The following GIPC2 variants were observed in gnomAD, a reference collection of about 807,000 sequenced individuals.
GIPC2 encodes the protein GIPC PDZ domain containing family member 2, also known as PDZ domain-containing protein GIPC2.
A neutral mutation model predicts 30.6 loss-of-function variants in GIPC2; 30 were observed. The observed-to-expected ratio is 0.98, with a 90% CI of 0.73 to 1.33. The LOEUF (loss-of-function observed/expected upper bound fraction) is 1.33. GIPC2 is among the 40% of genes most tolerant of loss of function. The probability of loss-of-function intolerance (pLI) is 0.00; values close to 1 mark genes in which losing one functional copy is unlikely to be tolerated. For synonymous variants in GIPC2, 167 were observed against 150.0 expected (o/e 1.11, Z -0.83); for missense variants, 414 against 390.3 (o/e 1.06, Z -0.51).
intron 1 of GIPC2, among the ~76,000 whole-genome samples, chr1:78,071,035 T>C (rs1240106879): frequency 1.3e-5 from 2 of 152,174 alleles, no homozygotes; most frequent in African/African-American, 2.4e-5. Flanking sequence ...TAAATATCTG[T>C]CTTGTCGCCA....
At position 78,135,789 on chromosome 1, in the gene GIPC2, TC is replaced by T; in HGVS notation, c.*47del. 3 of 1,544,126 alleles carry T rather than the reference TC, an allele frequency of 1.9e-6. 1 individual carries two copies. The South Asian group carries it at 3.7e-5, about 19-fold the overall frequency. On this transcript the variant is annotated 3_prime_UTR_variant, in exon 6 of 6. Coordinates refer to ENST00000370759, the MANE Select transcript of GIPC2 (RefSeq NM_017655.6). ...AGAAACAACCCATCGTTCTTTTTTT[TC>T]TCTTTTTTAAAAAGTCCTATAAGAT...
At chr1:78,115,420 C>T (rs1889674) in intron 3 of GIPC2, among the ~76,000 whole-genome samples, 15 of 152,024 alleles carry the variant, frequency 9.9e-5, no homozygotes, top group South Asian at 2.1e-4. Context: ...GCAGTAGGGT[C>T]GGGGAAGGAG....
chr1:78,068,286 T>A (rs924146987), intron 1 of GIPC2, among the ~76,000 whole-genome samples: 1 of 152,228 alleles, frequency 6.6e-6, no homozygotes, highest in African/African-American at 2.4e-5. Context: ...CTCCCCATAC[T>A]CATTAAGTCT....
intron 1 of GIPC2, among the ~76,000 whole-genome samples, chr1:78,056,886 A>C (rs1661308178): frequency 6.6e-6 from 1 of 152,154 alleles, no homozygotes; most frequent in African/African-American, 2.4e-5. Flanking sequence ...AGTCTTTTTT[A>C]ATCTATAGAT....
intron 3 of GIPC2, among the ~76,000 whole-genome samples, chr1:78,108,224 A>G (rs907501992): frequency 1.3e-5 from 2 of 152,212 alleles, no homozygotes; most frequent in African/African-American, 4.8e-5. Context: ...TTTCCAAATT[A>G]GAGTCTAGAG....
At chr1:78,053,809 T>C (rs2102635924) in intron 1 of GIPC2, among the ~76,000 whole-genome samples, 1 of 147,846 alleles carries the variant, frequency 6.8e-6, no homozygotes, top group South Asian at 2.1e-4. Context: ...TACGTACCTG[T>C]AGTCCCAGTA....
chr1:78,099,430 T>C (rs1662198050), intron 3 of GIPC2, among the ~76,000 whole-genome samples: 1 of 151,578 alleles, frequency 6.6e-6, no homozygotes, highest in Admixed American at 6.6e-5. Context: ...TTCTTTTCTT[T>C]TCTTTTCTCT....
intron 3 of GIPC2, among the ~76,000 whole-genome samples, chr1:78,105,995 G>A (rs1662344981): frequency 2.6e-5 from 4 of 152,192 alleles, no homozygotes; most frequent in Admixed American, 6.5e-5. Flanking sequence ...CAGCACTTTG[G>A]AGGCTGAGGT....
chr1:78,053,699 A>T (rs1420633788), intron 1 of GIPC2, among the ~76,000 whole-genome samples: 1 of 139,148 alleles, frequency 7.2e-6, no homozygotes, highest in Non-Finnish European at 1.5e-5. Flanking sequence ...TGAAGCCAGG[A>T]GTTTGATTGA....
intron 3 of GIPC2, among the ~76,000 whole-genome samples, chr1:78,118,216 A>G (rs539736020): frequency 6.8e-6 from 1 of 147,428 alleles, no homozygotes; most frequent in East Asian, 2.0e-4. Flanking sequence ...GATTACTGTA[A>G]TCGCTCTGGC....
intron 2 of GIPC2, among the ~76,000 whole-genome samples, chr1:78,087,877 A>G (rs1661960958): frequency 1.3e-5 from 2 of 152,210 alleles, no homozygotes; most frequent in Non-Finnish European, 2.9e-5. Context: ...ATAAAGGTCT[A>G]ATATCCAGCA....
chr1:78,137,768 G>GT lies in GIPC2; in HGVS notation c.*2028dup, dbSNP rs1663033211. ...TACAGCTAAACTGATAACAAGGTCAGTTTCTTTATGTCATTTTATTCCCAT... is the reference window on the plus strand; with the variant it reads ...TACAGCTAAACTGATAACAAGGTCAGTTTTCTTTATGTCATTTTATTCCCAT... On this transcript the variant is annotated 3_prime_UTR_variant, in exon 6 of 6. Transcript: ENST00000370759. 1 of 152,078 alleles carries GT rather than the reference G, an allele frequency of 6.6e-6. No homozygotes were observed. The highest frequency in any genetic ancestry group is 6.5e-5 in the Admixed American group (1 of 15,268). 9.4% of individuals were successfully genotyped at this position (152,078 alleles called of 1,614,324 possible).
At chr1:78,126,084 A>G (rs182031916) in intron 5 of GIPC2, 122 bp downstream of exon 5, 136 of 567,070 alleles carry the variant, frequency 2.4e-4, no homozygotes, top group Non-Finnish European at 4.0e-4. Flanking sequence ...GATGAAAAGA[A>G]TAACAGACAT....
chr1:78,105,590 C>A (rs573696021), intron 3 of GIPC2, among the ~76,000 whole-genome samples: 1 of 151,992 alleles, frequency 6.6e-6, no homozygotes, highest in East Asian at 1.9e-4. Context: ...CCGACCAGAA[C>A]CGTAATGTTT....
At chr1:78,057,834 A>T (rs552998425) in intron 1 of GIPC2, among the ~76,000 whole-genome samples, 82 of 152,340 alleles carry the variant, frequency 5.4e-4, no homozygotes, top group African/African-American at 1.9e-3. Context: ...CATGGAGCTT[A>T]CATTCTAGTC....
intron 1 of GIPC2, among the ~76,000 whole-genome samples, chr1:78,074,031 A>G (rs916538494): frequency 1.3e-5 from 2 of 152,168 alleles, no homozygotes; most frequent in Non-Finnish European, 2.9e-5. Context: ...AACAACAACA[A>G]AAGTTGAAGG....
At chr1:78,070,957 C>T (rs1370669316) in intron 1 of GIPC2, among the ~76,000 whole-genome samples, 1 of 152,116 alleles carries the variant, frequency 6.6e-6, no homozygotes, top group Non-Finnish European at 1.5e-5. Context: ...AAGTTCTACA[C>T]AGTTCAGGAC....
chr1:78,098,035 G>T (rs988465478), intron 3 of GIPC2, among the ~76,000 whole-genome samples: 4 of 152,100 alleles, frequency 2.6e-5, no homozygotes, highest in Non-Finnish European at 5.9e-5. Flanking sequence ...TGCCCATTTT[G>T]CTATTTCTTC....
At chr1:78,082,751 T>C (rs927377036) in intron 2 of GIPC2, among the ~76,000 whole-genome samples, 5 of 152,212 alleles carry the variant, frequency 3.3e-5, no homozygotes, top group African/African-American at 1.2e-4. Flanking sequence ...CAACATATAG[T>C]TCAACTTAGA....
Sources: gnomAD v4.1 joint callset for allele counts (sites outside exome capture counted in the v4.1 genomes callset) on GRCh38, gnomAD v4.1.1 for gene constraint, MANE v1.5 for transcripts, NCBI Gene and HGNC (gene_info 2026-07-23, HGNC 2026-07-21) for gene names.